The following GPC6 variants were observed in gnomAD, a reference collection of about 807,000 sequenced individuals.
The protein encoded by GPC6 is glypican 6.
GPC6 carries 14 observed loss-of-function variants against 55.2 expected under a neutral mutation model. That is an observed-to-expected ratio of 0.25 (90% CI 0.17 to 0.40). The LOEUF (loss-of-function observed/expected upper bound fraction) is 0.40. Among genes scored for constraint, GPC6 ranks in the 10% least tolerant of loss-of-function variants. The probability of loss-of-function intolerance (pLI) is 1.00; values close to 1 mark genes in which losing one functional copy is unlikely to be tolerated. For synonymous variants in GPC6, 278 were observed against 259.6 expected, an observed-to-expected ratio of 1.07 and a Z score of -0.68; for missense variants, 641 against 708.5, an observed-to-expected ratio of 0.90 and a Z score of 1.08.
rs1028296325 is a variant in GPC6, at chr13:94,405,368, T to G, written c.*2151T>G. 5.3e-5 allele frequency: 8 copies of G among 152,216 alleles called. No homozygotes were observed. Among genetic ancestry groups the G allele is most frequent in the South Asian group, 4.1e-4 (2 of 4,834 alleles). 9.4% of individuals were successfully genotyped at this position (152,216 alleles called of 1,614,324 possible). On this transcript the variant is annotated 3_prime_UTR_variant, in exon 9 of 9. Coordinates refer to ENST00000377047, the MANE Select transcript of GPC6 (RefSeq NM_005708.5). ...CTCTATGAAGGACCAGTCATTTACATTGCTCATTTCATTCTGTGTTCAGAA... is the reference window on the plus strand; with the variant it reads ...CTCTATGAAGGACCAGTCATTTACAGTGCTCATTTCATTCTGTGTTCAGAA...
Position 93,368,548 on chromosome 13 carries a change from C to T in GPC6, c.160+140932C>T, listed in dbSNP as rs1273551508. Among the ~76,000 whole-genome samples, 4 of 151,850 alleles carry T rather than the reference C, an allele frequency of 2.6e-5. No individual in the cohort carries two copies. The East Asian group carries it at 7.7e-4, about 29-fold the overall frequency. ...AGACATGGATTTCATTTATATGCAC[C>T]TTGGTCTTTCCTCAGACCTCTAACT... On this transcript the variant is annotated intron_variant, in intron 1 of 8. Transcript: ENST00000377047.
intron 1 of GPC6, among the ~76,000 whole-genome samples, chr13:93,429,424 G>A (rs550755782): frequency 6.6e-6 from 1 of 152,238 alleles, no homozygotes; most frequent in African/African-American, 2.4e-5. Flanking sequence ...CACAGGTGAG[G>A]ATAAGGTGCT....
intron 2 of GPC6, among the ~76,000 whole-genome samples, chr13:93,630,614 G>T (rs548512211): frequency 5.6e-4 from 85 of 152,100 alleles, no homozygotes; most frequent in Middle Eastern, 3.4e-3. Flanking sequence ...CATTTATTTG[G>T]TATTAAAAAT....
At chr13:94,223,974 A>C (rs1313002638) in intron 4 of GPC6, among the ~76,000 whole-genome samples, 1 of 152,092 alleles carries the variant, frequency 6.6e-6, no homozygotes, top group African/African-American at 2.4e-5. Flanking sequence ...CGGCTGTCAC[A>C]CTGTCAACAA....
intron 1 of GPC6, among the ~76,000 whole-genome samples, chr13:93,492,916 CG>C (rs1246750014): frequency 7.2e-6 from 1 of 138,138 alleles, no homozygotes; most frequent in Non-Finnish European, 1.6e-5. Flanking sequence ...CTGCTGGATT[CG>C]GTTTGCCAGT....
At chr13:93,674,267 T>C (rs1264648285) in intron 2 of GPC6, among the ~76,000 whole-genome samples, 1 of 152,194 alleles carries the variant, frequency 6.6e-6, no homozygotes, top group Non-Finnish European at 1.5e-5. Context: ...ATTTCTATAA[T>C]AGAATTGTCT....
intron 3 of GPC6, among the ~76,000 whole-genome samples, chr13:94,005,214 A>C (rs1258564385): frequency 6.6e-6 from 1 of 152,216 alleles, no homozygotes; most frequent in Non-Finnish European, 1.5e-5. Flanking sequence ...TTTTATTAAG[A>C]TTAATCTATA....
intron 2 of GPC6, among the ~76,000 whole-genome samples, chr13:93,723,225 C>T (rs1331824624): frequency 6.6e-6 from 1 of 151,926 alleles, no homozygotes; most frequent in Non-Finnish European, 1.5e-5. Context: ...ACAGGTTTTA[C>T]TGATGAAGAT....
intron 1 of GPC6, among the ~76,000 whole-genome samples, chr13:93,399,313 A>G (rs1875981933): frequency 6.6e-6 from 1 of 152,192 alleles, no homozygotes; most frequent in African/African-American, 2.4e-5. Context: ...ACTTGTTTTA[A>G]CACTGTTCTT....
intron 6 of GPC6, among the ~76,000 whole-genome samples, chr13:94,347,796 A>G (rs947049239): frequency 2.0e-5 from 3 of 152,240 alleles, no homozygotes; most frequent in African/African-American, 7.2e-5. Context: ...CTGCAGTGGA[A>G]ATATACTCCA....
chr13:93,733,675 C>T (rs1883904879), intron 2 of GPC6, among the ~76,000 whole-genome samples: 1 of 151,744 alleles, frequency 6.6e-6, no homozygotes, highest in Non-Finnish European at 1.5e-5. Flanking sequence ...CTCATGGTAC[C>T]ATTAAGTTCA....
intron 3 of GPC6, among the ~76,000 whole-genome samples, chr13:93,891,571 C>G (rs1321546334): frequency 1.3e-5 from 2 of 152,094 alleles, no homozygotes; most frequent in African/African-American, 4.8e-5. Context: ...AGAATTTGGT[C>G]TTTATACAAT....
At chr13:93,889,867 A>G (rs1453529599) in intron 3 of GPC6, among the ~76,000 whole-genome samples, 1 of 152,116 alleles carries the variant, frequency 6.6e-6, no homozygotes, top group African/African-American at 2.4e-5. Context: ...GGTGATATGC[A>G]AAGGTGTATT....
intron 4 of GPC6, among the ~76,000 whole-genome samples, chr13:94,052,565 C>G (rs1566340718): frequency 1.3e-5 from 2 of 152,156 alleles, no homozygotes; most frequent in Admixed American, 1.3e-4. Flanking sequence ...TCCTTTAAAA[C>G]TCCTCTAGAG....
chr13:94,209,432 G>A (rs1170678588), intron 4 of GPC6, among the ~76,000 whole-genome samples: 2 of 152,030 alleles, frequency 1.3e-5, no homozygotes, highest in Non-Finnish European at 2.9e-5. Flanking sequence ...GTCCAACATG[G>A]CTCCTTTCAG....
chr13:93,739,432 A>ATT (rs200253767), intron 2 of GPC6, among the ~76,000 whole-genome samples: 6,191 of 142,368 alleles, frequency 0.043, 421 homozygotes, highest in East Asian at 0.19. Flanking sequence ...CTTCAAATAC[A>ATT]TTTTTTTTTT....
chr13:93,242,078 T>G (rs1359091985), intron 1 of GPC6, among the ~76,000 whole-genome samples: 2 of 152,188 alleles, frequency 1.3e-5, no homozygotes, highest in African/African-American at 4.8e-5. Context: ...TGATGTGTAC[T>G]TTTTTCCCCA....
chr13:93,241,760 C>T (rs1876437222), intron 1 of GPC6, among the ~76,000 whole-genome samples: 1 of 151,624 alleles, frequency 6.6e-6, no homozygotes, highest in Non-Finnish European at 1.5e-5. Context: ...AATTATTTTT[C>T]TGCTTCCTTC....
intron 1 of GPC6, among the ~76,000 whole-genome samples, chr13:93,348,917 G>A (rs1246851682): frequency 6.6e-6 from 1 of 152,064 alleles, no homozygotes; most frequent in Non-Finnish European, 1.5e-5. Flanking sequence ...CCCCTCCATA[G>A]AGAATACATA....
Sources: gnomAD v4.1 joint callset for allele counts (sites outside exome capture counted in the v4.1 genomes callset) on GRCh38, gnomAD v4.1.1 for gene constraint, MANE v1.5 for transcripts, NCBI Gene and HGNC (gene_info 2026-07-23, HGNC 2026-07-21) for gene names.